The following TCP11L1 variants were observed in gnomAD, a reference collection of about 807,000 sequenced individuals.
TCP11L1 encodes the protein t-complex 11 like 1.
TCP11L1 carries 28 observed loss-of-function variants against 48.9 expected under a neutral mutation model. The ratio of observed to expected loss-of-function variants is 0.57; its 90% CI spans 0.42 to 0.78. TCP11L1 has a LOEUF of 0.78. TCP11L1 is among the 30% of genes least tolerant of loss of function. The pLI is 0.00. For missense variants in TCP11L1, 505 were observed against 613.4 expected, an observed-to-expected ratio of 0.82 and a Z score of 1.87; for synonymous variants, 204 against 231.9, an observed-to-expected ratio of 0.88 and a Z score of 1.09.
chr11:33,072,702 A>G lies in TCP11L1; in HGVS notation c.*26A>G, dbSNP rs781436111. The G allele has an allele frequency of 8.7e-6, 14 of 1,612,514 alleles. No individual in the cohort carries two copies. Among genetic ancestry groups the G allele is most frequent in the Middle Eastern group, 3.3e-4 (2 of 5,998 alleles). On this transcript the variant is annotated 3_prime_UTR_variant, in exon 10 of 10. Transcript: ENST00000334274. The stretch of plus-strand genomic sequence containing the variant: ...CGTGTATGCACCCTACAGCAGCAGT[A>G]TTACTCACTAGCCACAGAATACCTG...
Position 33,072,798 on chromosome 11 carries a change from G to A in TCP11L1, c.*122G>A, listed in dbSNP as rs932413880. ...TCTATTTAACAGCACCGATTCCAAAGGGAAGAATATTGTGTATCACTGTTG... is the reference window on the plus strand; with the variant it reads ...TCTATTTAACAGCACCGATTCCAAAAGGAAGAATATTGTGTATCACTGTTG... On this transcript the variant is annotated 3_prime_UTR_variant, in exon 10 of 10. Coordinates refer to ENST00000334274, the MANE Select transcript of TCP11L1 (RefSeq NM_018393.4). The A allele has an allele frequency of 9.5e-7, 1 of 1,048,604 alleles. No homozygotes were observed. The highest frequency in any genetic ancestry group is 1.4e-6 in the Non-Finnish European group (1 of 705,750). 65.0% of individuals were successfully genotyped at this position (1,048,604 alleles called of 1,614,324 possible).
intron 4 of TCP11L1, among the ~76,000 whole-genome samples, chr11:33,057,505 C>A (rs963277808): frequency 5.3e-5 from 8 of 152,128 alleles, no homozygotes; most frequent in African/African-American, 1.9e-4. Context: ...GGACACATTC[C>A]ATTTATAATG....
chr11:33,068,999 A>C, intron 9 of TCP11L1, 140 bp downstream of exon 9: 1 of 1,077,682 alleles, frequency 9.3e-7, no homozygotes, highest in East Asian at 2.6e-5. Flanking sequence ...CCACAGAGAG[A>C]CCAGGGCCAC....
At chr11:33,040,392 G>GTT (rs1853796010) in intron 1 of TCP11L1, 1 of 152,248 alleles carries the variant, frequency 6.6e-6, no homozygotes, top group African/African-American at 2.4e-5. Context: ...GAGCAGGTAG[G>GTT]TAGCTGTGTT....
At chr11:33,055,337 C>G (rs540482999) in intron 3 of TCP11L1, among the ~76,000 whole-genome samples, 34 of 152,294 alleles carry the variant, frequency 2.2e-4, no homozygotes, top group South Asian at 6.2e-4. Flanking sequence ...AGCCTGTCCT[C>G]ATGGTTGCAG....
At chr11:33,070,037 C>T (rs1201756887) in intron 9 of TCP11L1, among the ~76,000 whole-genome samples, 1 of 152,036 alleles carries the variant, frequency 6.6e-6, no homozygotes, top group East Asian at 1.9e-4. Flanking sequence ...GATTGAAAAC[C>T]AGCCCTTAAG....
chr11:33,058,759 T>A (rs1854388475), intron 5 of TCP11L1, among the ~76,000 whole-genome samples, 200 bp from the exon 6 acceptor site: 1 of 152,126 alleles, frequency 6.6e-6, no homozygotes, highest in African/African-American at 2.4e-5. Flanking sequence ...GCCCTTCATG[T>A]GGATCCATCA....
chr11:33,053,797 A>C (rs1854232813), intron 2 of TCP11L1, among the ~76,000 whole-genome samples: 1 of 152,088 alleles, frequency 6.6e-6, no homozygotes, highest in Non-Finnish European at 1.5e-5. Flanking sequence ...CGGCACCCTA[A>C]AGGACTTGAT....
intron 2 of TCP11L1, among the ~76,000 whole-genome samples, chr11:33,047,674 G>C (rs1854039350): frequency 6.6e-6 from 1 of 152,198 alleles, no homozygotes; most frequent in Non-Finnish European, 1.5e-5. Flanking sequence ...TCTGTATTCA[G>C]TCAGTCAAAT....
At chr11:33,056,852 C>T (rs970326402) in intron 3 of TCP11L1, 18 of 414,346 alleles carry the variant, frequency 4.3e-5, no homozygotes, top group Non-Finnish European at 5.7e-5. Flanking sequence ...TTATATGGCA[C>T]TGTCATATGC....
At chr11:33,046,360 T>C (rs996149282) in intron 2 of TCP11L1, among the ~76,000 whole-genome samples, 3 of 152,262 alleles carry the variant, frequency 2.0e-5, no homozygotes, top group East Asian at 3.8e-4. Flanking sequence ...CTTGTCAGCC[T>C]GATGGCATGA....
At chr11:33,058,567 G>A (rs933633074) in intron 5 of TCP11L1, among the ~76,000 whole-genome samples, 4 of 145,620 alleles carry the variant, frequency 2.7e-5, no homozygotes, top group African/African-American at 1.0e-4. Context: ...AAAAAAATTT[G>A]TAAAATGCAG....
intron 7 of TCP11L1, among the ~76,000 whole-genome samples, chr11:33,064,677 G>T (rs549909765): frequency 6.6e-6 from 1 of 152,094 alleles, no homozygotes; most frequent in Admixed American, 6.5e-5. Context: ...TTATTTACTC[G>T]CCAGTTCTTA....
At position 33,059,081 on chromosome 11, in the gene TCP11L1, T is replaced by C; in HGVS notation, c.761T>C (p.Leu254Ser). The C allele has an allele frequency of 6.2e-7, 1 of 1,614,078 alleles. No individual in the cohort carries two copies. The highest frequency in any genetic ancestry group is 8.5e-7 in the Non-Finnish European group (1 of 1,179,992). ...GAAAGGAAGAAGTTTCAAGAGATTT[T>C]GGAGAGGCAACCAAGTATGTTGAAT... is the stretch of plus-strand genomic sequence containing the variant. ...EYERKKFQEI[L>S]ERQPNSLDFV... The change falls in exon 6 of 10, where the codon TTG becomes TCG. Residue 254 changes from leucine to serine, a missense_variant. Around this residue, in one of 3 missense-constraint regions of TCP11L1, gnomAD observed 335 missense variants for 413.3 expected, o/e 0.81. Transcript: ENST00000334274.
chr11:33,057,427 C>T (rs1854341956), intron 4 of TCP11L1, among the ~76,000 whole-genome samples, 192 bp downstream of exon 4: 1 of 152,072 alleles, frequency 6.6e-6, no homozygotes, highest in African/African-American at 2.4e-5. Context: ...ACCATGATAA[C>T]CTGAAGGCAT....
chr11:33,068,787 G>T lies in TCP11L1; in HGVS notation c.1255G>T (p.Asp419Tyr), dbSNP rs199889997. Residue 419 changes from aspartate to tyrosine, a missense_variant, in exon 9 of 10, where the codon GAC becomes TAC. By Grantham distance (160) the Asp-to-Tyr change is radical. Around this residue, in one of 3 missense-constraint regions of TCP11L1, gnomAD observed 335 missense variants for 413.3 expected, o/e 0.81. Transcript: ENST00000334274. ...GTGTGGGTCCTCTCCCTTCACCACG[G>T]ACAAGGAGACCGTGCTCAAGGGCCA... ...SLCGSSPFTT[D>Y]KETVLKGQIQ... 59 of 1,614,002 alleles carry T rather than the reference G, an allele frequency of 3.7e-5. No homozygotes were observed. The highest frequency in any genetic ancestry group is 4.7e-5 in the Non-Finnish European group (56 of 1,180,010).
intron 7 of TCP11L1, 138 bp from the exon 8 acceptor site, chr11:33,065,692 G>T: frequency 1.1e-6 from 1 of 934,338 alleles, no homozygotes; most frequent in Non-Finnish European, 1.6e-6. Flanking sequence ...TTTCACACCA[G>T]ACTCCCTCAA....
chr11:33,047,640 G>A (rs58464490), intron 2 of TCP11L1, among the ~76,000 whole-genome samples: 19,078 of 152,204 alleles, frequency 0.13, 1,489 homozygotes, highest in Middle Eastern at 0.22. Context: ...TAAAGCTCAT[G>A]ACTAGACTTT....
At chr11:33,061,277 C>T (rs1029315614) in intron 6 of TCP11L1, among the ~76,000 whole-genome samples, 1 of 152,144 alleles carries the variant, frequency 6.6e-6, no homozygotes, top group Non-Finnish European at 1.5e-5. Context: ...TTGTTTAATC[C>T]TCACAACAGC....
Sources: allele counts gnomAD v4.1 joint callset (sites outside exome capture counted in the v4.1 genomes callset), GRCh38; gene constraint gnomAD v4.1.1; regional missense constraint gnomAD v4.1.1; transcripts MANE v1.5; gene names NCBI Gene and HGNC (gene_info 2026-07-23, HGNC 2026-07-21).